SYN2: variants seen among roughly 807,000 people sequenced by gnomAD.
SYN2 encodes synapsin II, also known as synapsin-2.
A neutral mutation model predicts 50.9 loss-of-function variants in SYN2; 19 were observed. The ratio of observed to expected loss-of-function variants is 0.37; its 90% CI spans 0.26 to 0.55. The LOEUF is 0.55. SYN2 is among the 20% of genes least tolerant of loss of function. The pLI is 0.81. For missense variants in SYN2, 587 were observed against 576.4 expected (o/e 1.02, Z -0.19); for synonymous variants, 255 against 224.9 (o/e 1.13, Z -1.20).
At chr3:12,042,705 G>A (rs1258564833) in intron 1 of SYN2, among the ~76,000 whole-genome samples, 1 of 152,174 alleles carries the variant, frequency 6.6e-6, no homozygotes, top group Non-Finnish European at 1.5e-5. Flanking sequence ...AGGATCTTGA[G>A]ATGAAATCAT....
intron 1 of SYN2, among the ~76,000 whole-genome samples, chr3:12,060,502 A>G (rs1695091794): frequency 6.6e-6 from 1 of 152,174 alleles, no homozygotes; most frequent in Admixed American, 6.5e-5. Flanking sequence ...TGACAGGCCC[A>G]CTGAATGACT....
At chr3:12,007,718 G>A (rs2623882) in intron 1 of SYN2, among the ~76,000 whole-genome samples, 36,805 of 152,108 alleles carry the variant, frequency 0.24, 6,733 homozygotes, top group African/African-American at 0.51. Context: ...CATTTAAATA[G>A]CAAGAGATGT....
intron 1 of SYN2, among the ~76,000 whole-genome samples, chr3:12,052,130 G>T (rs1182770306): frequency 6.6e-6 from 1 of 152,072 alleles, no homozygotes; most frequent in Non-Finnish European, 1.5e-5. Flanking sequence ...TTTATATTCA[G>T]GAAACATTTA....
At chr3:12,015,092 G>A (rs565909035) in intron 1 of SYN2, among the ~76,000 whole-genome samples, 1 of 152,282 alleles carries the variant, frequency 6.6e-6, no homozygotes, top group East Asian at 1.9e-4. Context: ...TTAATTGAAT[G>A]TGCCGTGCCC....
chr3:12,177,977 A>G (rs1034752835), intron 10 of SYN2, among the ~76,000 whole-genome samples: 12 of 152,194 alleles, frequency 7.9e-5, no homozygotes, highest in Non-Finnish European at 1.6e-4. Context: ...GGCACCTTTT[A>G]GAACCTTTTG....
intron 7 of SYN2, among the ~76,000 whole-genome samples, chr3:12,164,337 A>AG (rs1478153027): frequency 6.6e-5 from 10 of 152,230 alleles, no homozygotes; most frequent in African/African-American, 2.2e-4. Flanking sequence ...AGACTTCTAA[A>AG]ACATTGATGA....
chr3:12,143,410 T>C (rs1697073722), intron 3 of SYN2, among the ~76,000 whole-genome samples: 1 of 152,104 alleles, frequency 6.6e-6, no homozygotes, highest in South Asian at 2.1e-4. Flanking sequence ...TCATATCCAA[T>C]AGGTAATTTT....
At chr3:12,027,928 G>A (rs1212922512) in intron 1 of SYN2, among the ~76,000 whole-genome samples, 1 of 148,620 alleles carries the variant, frequency 6.7e-6, no homozygotes, top group Non-Finnish European at 1.5e-5. Flanking sequence ...GACTTACATA[G>A]AGGAAAGAGG....
intron 1 of SYN2, among the ~76,000 whole-genome samples, chr3:12,104,816 G>A (rs1450699046): frequency 6.6e-6 from 1 of 151,918 alleles, no homozygotes; most frequent in Non-Finnish European, 1.5e-5. Flanking sequence ...TGATCTACCC[G>A]CCTTGGCCTC....
At chr3:12,167,331 G>A in intron 8 of SYN2, 23 bp downstream of exon 8, 1 of 1,604,046 alleles carries the variant, frequency 6.2e-7, no homozygotes, top group South Asian at 1.1e-5. Context: ...AAGGAGTCCA[G>A]TTTCCAGCCC....
At chr3:12,148,793 T>G (rs2125222745) in intron 4 of SYN2, 1 of 152,364 alleles carries the variant, frequency 6.6e-6, no homozygotes, top group Middle Eastern at 3.4e-3. Context: ...CAAATGGATC[T>G]GGAATCCCAT....
In SYN2 at chr3:12,004,783, G is replaced by T; in HGVS notation, c.232G>T (p.Val78Leu). ...GCCGCAGCCCGCGCCGACGCCGTCGGTGGGCAGCAGCTTCTTCAGCTCGCT... is the reference window on the plus strand; with the variant it reads ...GCCGCAGCCCGCGCCGACGCCGTCGTTGGGCAGCAGCTTCTTCAGCTCGCT... ...PAPQPAPTPS[V>L]GSSFFSSLSQ... The change falls in exon 1 of 13, where the codon GTG becomes TTG. Residue 78 changes from valine to leucine, a missense_variant. Transcript: ENST00000621198. 3.0e-6 allele frequency: 1 copy of T among 337,544 alleles called. No individual in the cohort carries two copies. The highest frequency in any genetic ancestry group is 4.0e-5 in the East Asian group (1 of 25,212). 20.9% of individuals were successfully genotyped at this position (337,544 alleles called of 1,614,324 possible).
At chr3:12,071,287 A>C in intron 1 of SYN2, 1 of 561,788 alleles carries the variant, frequency 1.8e-6, no homozygotes, top group South Asian at 1.5e-5. Flanking sequence ...CTCACTGTCC[A>C]TCTTCCAGCA....
At chr3:12,184,423 C>G (rs1361399630) in intron 11 of SYN2, 1 of 985,894 alleles carries the variant, frequency 1.0e-6, no homozygotes, top group East Asian at 1.1e-4. Context: ...ATGCAGGGAG[C>G]TACTGAAGGT....
At chr3:12,049,904 C>A (rs1694817752) in intron 1 of SYN2, among the ~76,000 whole-genome samples, 1 of 152,116 alleles carries the variant, frequency 6.6e-6, no homozygotes, top group African/African-American at 2.4e-5. Context: ...AACTGTGCAA[C>A]ACAAAGCAAT....
chr3:12,105,933 A>G (rs1477513688), intron 1 of SYN2, among the ~76,000 whole-genome samples: 3 of 152,220 alleles, frequency 2.0e-5, no homozygotes, highest in Non-Finnish European at 4.4e-5. Flanking sequence ...CTATTGCTAC[A>G]TAACAACACC....
intron 5 of SYN2, among the ~76,000 whole-genome samples, chr3:12,152,170 G>C (rs899701074): frequency 6.6e-6 from 1 of 152,160 alleles, no homozygotes; most frequent in African/African-American, 2.4e-5. Flanking sequence ...CACCATTTCT[G>C]CAAATCAAGA....
At position 12,071,674 on chromosome 3, in the gene SYN2, C is replaced by A. The variant is rs573270083; in HGVS notation, c.377+66746C>A. On this transcript the variant is annotated intron_variant, in intron 1 of 12. Transcript: ENST00000621198. ...AAGAACGTGCTTGTGGAAGACAAGT[C>A]TGTGGCTTGGTGAGTCTGTGTGGCC... 1.9e-4 allele frequency: 60 copies of A among 317,284 alleles called. No homozygotes were observed. In the East Asian group the frequency reaches 4.6e-3, roughly 24 times the overall value. The allele number at this position is 317,284 out of a possible 1,614,324, so 19.7% of individuals were successfully genotyped here.
intron 1 of SYN2, among the ~76,000 whole-genome samples, chr3:12,066,550 C>G (rs1695221165): frequency 2.0e-5 from 3 of 152,234 alleles, no homozygotes; most frequent in Admixed American, 1.3e-4. Flanking sequence ...TTTATGCAAA[C>G]TGAATATTTG....
Sources: allele counts gnomAD v4.1 joint callset (sites outside exome capture counted in the v4.1 genomes callset), GRCh38; gene constraint gnomAD v4.1.1; transcripts MANE v1.5; gene names NCBI Gene and HGNC (gene_info 2026-07-23, HGNC 2026-07-21).